HSF5: variants seen among roughly 807,000 people sequenced by gnomAD.
The protein encoded by HSF5 is heat shock transcription factor 5, also known as heat shock factor protein 5.
A neutral mutation model predicts 50.8 loss-of-function variants in HSF5; 5 were observed. The observed-to-expected ratio is 0.10, with a 90% CI of 0.05 to 0.21. HSF5 has a LOEUF of 0.21. Among genes scored for constraint, HSF5 ranks in the 10% least tolerant of loss-of-function variants. The pLI is 1.00. For synonymous variants in HSF5, 307 were observed against 307.4 expected, an observed-to-expected ratio of 1.00 and a Z score of 0.02; for missense variants, 564 against 762.6, an observed-to-expected ratio of 0.74 and a Z score of 3.07.
chr17:58,478,068 T>G (rs1217599083), intron 2 of HSF5, among the ~76,000 whole-genome samples: 3 of 152,086 alleles, frequency 2.0e-5, no homozygotes, highest in African/African-American at 4.8e-5. Flanking sequence ...TATTGCCTCA[T>G]TTCATCATTG....
chr17:58,459,022 G>A (rs1974753765), intron 4 of HSF5, 77 bp from the exon 5 acceptor site: 2 of 1,277,992 alleles, frequency 1.6e-6, no homozygotes, highest in South Asian at 2.8e-5. Flanking sequence ...TATCAGAGGA[G>A]TTCTATTATG....
At chr17:58,440,512 T>C (rs1974485448) in intron 5 of HSF5, among the ~76,000 whole-genome samples, 1 of 152,296 alleles carries the variant, frequency 6.6e-6, no homozygotes, top group African/African-American at 2.4e-5. Context: ...CCTTAAATTA[T>C]TTTTACAAGT....
At chr17:58,450,338 C>CAA (rs758990551) in intron 5 of HSF5, among the ~76,000 whole-genome samples, 417 of 51,672 alleles carry the variant, frequency 8.1e-3, no homozygotes, top group African/African-American at 8.9e-3. Flanking sequence ...GACTTTGTCT[C>CAA]AAAAAAAAAA....
At chr17:58,455,548 G>C (rs1025359574) in intron 5 of HSF5, among the ~76,000 whole-genome samples, 1 of 152,034 alleles carries the variant, frequency 6.6e-6, no homozygotes, top group Admixed American at 6.5e-5. Context: ...CCTACATAAA[G>C]AGAGAAAGTA....
chr17:58,481,596 A>G (rs1658898919), intron 1 of HSF5, among the ~76,000 whole-genome samples: 1 of 152,280 alleles, frequency 6.6e-6, no homozygotes, highest in Non-Finnish European at 1.5e-5. Context: ...GTATTAAACT[A>G]CACGTTGAAA....
intron 5 of HSF5, among the ~76,000 whole-genome samples, chr17:58,452,123 C>G (rs899441004): frequency 6.6e-6 from 1 of 151,480 alleles, no homozygotes; most frequent in African/African-American, 2.4e-5. Context: ...GTGTCACACA[C>G]GAGGAGTCCT....
intron 5 of HSF5, among the ~76,000 whole-genome samples, chr17:58,433,051 T>C (rs2143734023): frequency 6.6e-6 from 1 of 152,314 alleles, no homozygotes; most frequent in South Asian, 2.1e-4. Context: ...TCTTGCTCTG[T>C]TGCCCAGGCT....
Position 58,431,602 on chromosome 17 carries a change from A to G in HSF5, c.1721-9172T>C, listed in dbSNP as rs567901549. ...ATCACTCTGTAAGACCCTGACTAAT[A>G]CACATACCAAAACATATCTTAGTTT... On this transcript the variant is annotated intron_variant, in intron 5 of 5. Coordinates refer to ENST00000323777, the MANE Select transcript of HSF5 (RefSeq NM_001080439.3). Among the ~76,000 whole-genome samples, 458 of 152,318 alleles carry G rather than the reference A, an allele frequency of 3.0e-3. 2 individuals are homozygous for G. Among genetic ancestry groups the G allele is most frequent in the Middle Eastern group, 0.017 (5 of 294 alleles).
intron 5 of HSF5, among the ~76,000 whole-genome samples, chr17:58,454,328 C>G (rs901710109): frequency 6.6e-6 from 1 of 152,108 alleles, no homozygotes; most frequent in Non-Finnish European, 1.5e-5. Flanking sequence ...ATAGAAAGAA[C>G]ATACCTCAAC....
chr17:58,439,284 A>AAAC (rs150541334), intron 5 of HSF5, among the ~76,000 whole-genome samples: 24,731 of 149,852 alleles, frequency 0.17, 2,188 homozygotes, highest in Middle Eastern at 0.22. Flanking sequence ...AAAAAAACAA[A>AAAC]AACAACAACA....
chr17:58,476,685 G>T (rs1166859143), intron 2 of HSF5: 1 of 1,578,926 alleles, frequency 6.3e-7, no homozygotes, highest in Non-Finnish European at 8.7e-7. Context: ...CTTGTGGATG[G>T]TTGACAAATG....
intron 5 of HSF5, among the ~76,000 whole-genome samples, chr17:58,424,611 C>CA (rs56721938): frequency 0.039 from 2,711 of 69,912 alleles, 35 homozygotes; most frequent in Middle Eastern, 0.074. Context: ...GACTCCGTCT[C>CA]AAAAAAAAAA....
chr17:58,423,519 A>G (rs1362813232), intron 5 of HSF5, among the ~76,000 whole-genome samples: 5 of 127,586 alleles, frequency 3.9e-5, no homozygotes, highest in African/African-American at 1.5e-4. Context: ...ACAGAGTCTC[A>G]CACTGTCACC....
intron 5 of HSF5, among the ~76,000 whole-genome samples, chr17:58,450,858 G>A (rs909338281): frequency 2.6e-5 from 4 of 152,162 alleles, no homozygotes; most frequent in African/African-American, 4.8e-5. Context: ...GGAGGCCAAG[G>A]TGGGCGGATC....
chr17:58,438,965 A>G (rs936533326), intron 5 of HSF5, among the ~76,000 whole-genome samples: 1 of 151,916 alleles, frequency 6.6e-6, no homozygotes, highest in Non-Finnish European at 1.5e-5. Context: ...AAAAGTAAAA[A>G]AAAATCAGCT....
intron 5 of HSF5, among the ~76,000 whole-genome samples, chr17:58,437,594 T>C (rs1172176845): frequency 1.3e-5 from 2 of 152,220 alleles, no homozygotes; most frequent in Non-Finnish European, 2.9e-5. Flanking sequence ...CTATATCGTA[T>C]ATCTCCAGAC....
At chr17:58,435,726 C>T (rs1251138046) in intron 5 of HSF5, among the ~76,000 whole-genome samples, 3 of 151,568 alleles carry the variant, frequency 2.0e-5, no homozygotes, top group Admixed American at 2.0e-4. Flanking sequence ...GGTGAAACCC[C>T]ATCTCTACTA....
chr17:58,428,428 G>A (rs933503155), intron 5 of HSF5, among the ~76,000 whole-genome samples: 1 of 152,166 alleles, frequency 6.6e-6, no homozygotes, highest in Non-Finnish European at 1.5e-5. Flanking sequence ...GGGAGGCCGA[G>A]GTGGGCAGAT....
At chr17:58,482,709 CAAAAA>C (rs34783781) in intron 1 of HSF5, among the ~76,000 whole-genome samples, 9 of 13,460 alleles carry the variant, frequency 6.7e-4, no homozygotes, top group South Asian at 0.012. Context: ...GACTCCATCT[CAAAAA>C]AAAAAAAAAA....
Sources: gnomAD v4.1 joint callset for allele counts (sites outside exome capture counted in the v4.1 genomes callset) on GRCh38, gnomAD v4.1.1 for gene constraint, MANE v1.5 for transcripts, NCBI Gene and HGNC (gene_info 2026-07-23, HGNC 2026-07-21) for gene names.